The following DDX19B variants were observed in gnomAD, a reference collection of about 807,000 sequenced individuals.
The protein encoded by DDX19B is ATP-dependent RNA helicase DDX19B.
Under a neutral mutation model 58.1 loss-of-function variants are expected in DDX19B, and 27 were observed. The observed-to-expected ratio is 0.46, with a 90% confidence interval of 0.34 to 0.64. DDX19B has a LOEUF of 0.64. Ranked by LOEUF, DDX19B falls within the 30% of genes least tolerant of loss-of-function variation. The pLI is 0.01. For synonymous variants in DDX19B, 187 were observed against 214.4 expected, an observed-to-expected ratio of 0.87 and a Z score of 1.12; for missense variants, 399 against 596.5, an observed-to-expected ratio of 0.67 and a Z score of 3.45.
chr16:70,309,545 T>G lies in DDX19B; in HGVS notation c.58-3064T>G, dbSNP rs373486876. 2.3e-5 allele frequency among the ~76,000 whole-genome samples: 3 copies of G among 131,924 alleles called. No homozygotes were observed. In the East Asian group the frequency reaches 7.2e-4, roughly 31 times the overall value. The allele number at this position is 131,924 out of a possible 152,430, so 86.5% of individuals were successfully genotyped here. On this transcript the variant is annotated intron_variant, in intron 1 of 11. Transcript: ENST00000288071. The stretch of plus-strand genomic sequence containing the variant: ...AAAAGAAATGGGGCTCCTGGCTGGG[T>G]GCAGTGGCTTACGCCTGTAATCCCA...
At chr16:70,316,309 G>C (rs890044034) in intron 4 of DDX19B, among the ~76,000 whole-genome samples, 1 of 151,396 alleles carries the variant, frequency 6.6e-6, no homozygotes, top group Admixed American at 6.6e-5. Context: ...TCCTGGGTTC[G>C]AGTGATTCTC....
chr16:70,325,472 T>G, intron 6 of DDX19B, 102 bp from the exon 7 acceptor site: 1 of 752,868 alleles, frequency 1.3e-6, no homozygotes, highest in Non-Finnish European at 2.3e-6. Flanking sequence ...ACATATTCTT[T>G]CCTTCAGCTT....
intron 10 of DDX19B, 75 bp downstream of exon 10, chr16:70,331,959 A>C: frequency 6.3e-7 from 1 of 1,576,220 alleles, no homozygotes; most frequent in African/African-American, 1.4e-5. Flanking sequence ...AAATCCTTGT[A>C]CACAGGGAAG....
chr16:70,326,338 G>T (rs553369705), intron 7 of DDX19B, among the ~76,000 whole-genome samples: 4 of 152,070 alleles, frequency 2.6e-5, no homozygotes, highest in South Asian at 4.1e-4. Flanking sequence ...TTAGCCAGGC[G>T]TGGTGGCGGG....
chr16:70,314,620 C>A (rs944209310), intron 2 of DDX19B, among the ~76,000 whole-genome samples: 30 of 152,142 alleles, frequency 2.0e-4, no homozygotes, highest in African/African-American at 6.3e-4. Flanking sequence ...GTTGAGATCG[C>A]ACCACTGCAC....
chr16:70,331,165 T>C (rs754885088), intron 9 of DDX19B, among the ~76,000 whole-genome samples: 16 of 152,182 alleles, frequency 1.1e-4, no homozygotes, highest in South Asian at 6.2e-4. Flanking sequence ...CAGCCTTGGC[T>C]CTTGTTACTA....
At position 70,312,665 on chromosome 16, in the gene DDX19B, A is replaced by G; in HGVS notation, c.106+8A>G. ...TCAAACCAGATACCAATGGTAAGTA[A>G]CTAATAGCTAGTTTGAAAACAAATG... On this transcript the variant is annotated splice_region_variant and intron_variant, in intron 2 of 11. Transcript: ENST00000288071. 1 of 1,605,398 alleles carries G rather than the reference A, an allele frequency of 6.2e-7. No individual in the cohort carries two copies. Among genetic ancestry groups the G allele is most frequent in the East Asian group, 2.2e-5 (1 of 44,768 alleles).
At chr16:70,293,635 C>G (rs1440931785), upstream of DDX19B, among the ~76,000 whole-genome samples, 2 of 84,654 alleles carry the variant, frequency 2.4e-5, no homozygotes, top group Non-Finnish European at 4.0e-5. Context: ...GACGGAGTCT[C>G]GCTCTGTCGC....
At chr16:70,332,882 A>T in intron 10 of DDX19B, 86 bp from the exon 11 acceptor site, 1 of 1,611,864 alleles carries the variant, frequency 6.2e-7, no homozygotes, top group East Asian at 2.2e-5. Flanking sequence ...CTTAATGCTG[A>T]GTCATGCTCC....
At chr16:70,306,839 A>G (rs1424922195) in intron 1 of DDX19B, among the ~76,000 whole-genome samples, 1 of 152,142 alleles carries the variant, frequency 6.6e-6, no homozygotes, top group African/African-American at 2.4e-5. Flanking sequence ...CATCACCCCA[A>G]AAGGAAACTC....
chr16:70,319,790 G>A (rs1962667191), intron 5 of DDX19B: 2 of 152,136 alleles, frequency 1.3e-5, no homozygotes, highest in South Asian at 4.1e-4. Flanking sequence ...TACTAGGGAG[G>A]CTGAAGTAGG....
At position 70,329,356 on chromosome 16, in the gene DDX19B, G is replaced by C; in HGVS notation, c.672G>C (p.Trp224Cys). ...VIGTPGTVLD[W>C]CSKLKFIDPK... Reference sequence around the variant, plus strand: ...GCACCCCTGGGACTGTGCTGGACTGGTGCTCCAAGCTCAAGTTCATTGATC... The same window carrying C: ...GCACCCCTGGGACTGTGCTGGACTGCTGCTCCAAGCTCAAGTTCATTGATC... The change falls in exon 8 of 12, where the codon TGG (tryptophan) becomes TGC (cysteine). Residue 224 changes from tryptophan to cysteine, a missense_variant. Coordinates refer to ENST00000288071, the MANE Select transcript of DDX19B (RefSeq NM_007242.7). The C allele has an allele frequency of 6.2e-7, 1 of 1,614,064 alleles. No homozygotes were observed. Among genetic ancestry groups the C allele is most frequent in the Non-Finnish European group, 8.5e-7 (1 of 1,180,008 alleles).
At chr16:70,332,683 TTCTC>T (rs997075529) in intron 10 of DDX19B, among the ~76,000 whole-genome samples, 3 of 152,258 alleles carry the variant, frequency 2.0e-5, no homozygotes, top group Non-Finnish European at 4.4e-5. Context: ...CTGTCCTTAC[TTCTC>T]TCTGTCTCCA....
intron 5 of DDX19B, among the ~76,000 whole-genome samples, chr16:70,321,909 C>G (rs887897694): frequency 2.0e-5 from 3 of 151,900 alleles, no homozygotes; most frequent in Non-Finnish European, 4.4e-5. Flanking sequence ...GTGGCACGTG[C>G]CTGTAATCCC....
intron 9 of DDX19B, 33 bp downstream of exon 9, chr16:70,330,101 T>C (rs201092171): frequency 2.8e-5 from 45 of 1,612,068 alleles, no homozygotes; most frequent in Non-Finnish European, 3.6e-5. Context: ...GGCCTGGCCC[T>C]TCCCTCTCAG....
intron 1 of DDX19B, among the ~76,000 whole-genome samples, chr16:70,308,674 T>C (rs570422705): frequency 2.0e-5 from 3 of 152,042 alleles, no homozygotes; most frequent in African/African-American, 7.2e-5. Context: ...GCCCTGTCAA[T>C]ATTTTTATTT....
intron 5 of DDX19B, among the ~76,000 whole-genome samples, chr16:70,323,515 G>A (rs946214833): frequency 2.7e-5 from 4 of 150,694 alleles, no homozygotes; most frequent in South Asian, 2.1e-4. Context: ...CCTCTGCCTC[G>A]TGGGTTCAAG....
chr16:70,294,798 G>A, upstream of DDX19B: 1 of 1,409,798 alleles, frequency 7.1e-7, no homozygotes, highest in Non-Finnish European at 9.3e-7. Context: ...GGCTTGGCCA[G>A]TGCCAAGAGC....
upstream of DDX19B, among the ~76,000 whole-genome samples, chr16:70,296,951 T>A (rs1413269587): frequency 6.6e-6 from 1 of 152,184 alleles, no homozygotes; most frequent in Non-Finnish European, 1.5e-5. Flanking sequence ...AGTCTTGCTC[T>A]GTCGTCCAGG....
Sources: allele counts gnomAD v4.1 joint callset (sites outside exome capture counted in the v4.1 genomes callset), GRCh38; gene constraint gnomAD v4.1.1; transcripts MANE v1.5; gene names NCBI Gene and HGNC (gene_info 2026-07-23, HGNC 2026-07-21).